Variants in BRD3 observed in about 807,000 individuals in gnomAD.
The protein encoded by BRD3 is bromodomain containing 3.
Under a neutral mutation model 66.8 loss-of-function variants are expected in BRD3, and 17 were observed. The observed-to-expected ratio is 0.25, with a 90% CI of 0.17 to 0.38. The LOEUF (loss-of-function observed/expected upper bound fraction) is 0.38, where lower values mean the gene tolerates loss of function less well. Among genes scored for constraint, BRD3 ranks in the 10% least tolerant of loss-of-function variants. The pLI, the probability that BRD3 is intolerant of heterozygous loss-of-function variation, is 1.00. For missense variants in BRD3, 713 were observed against 956.1 expected, an observed-to-expected ratio of 0.75 and a Z score of 3.35; for synonymous variants, 421 against 393.2, an observed-to-expected ratio of 1.07 and a Z score of -0.84.
At chr9:134,034,890 C>A in intron 10 of BRD3, 61 bp from the exon 11 acceptor site, 1 of 1,600,490 alleles carries the variant, frequency 6.2e-7, no homozygotes, top group Non-Finnish European at 8.5e-7. Flanking sequence ...GGAGCCAGGG[C>A]TGCATCCAGG....
chr9:134,038,565 C>T (rs1444741746), intron 9 of BRD3, among the ~76,000 whole-genome samples: 1 of 152,172 alleles, frequency 6.6e-6, no homozygotes, highest in Admixed American at 6.5e-5. Flanking sequence ...GCTGGGGTTA[C>T]AGGTGGGAGC....
At chr9:134,061,968 C>A (rs1830552321) in intron 1 of BRD3, among the ~76,000 whole-genome samples, 1 of 152,200 alleles carries the variant, frequency 6.6e-6, no homozygotes, top group East Asian at 1.9e-4. Context: ...GCCAGAGGGG[C>A]CTCCCCAGCC....
intron 5 of BRD3, among the ~76,000 whole-genome samples, chr9:134,048,690 T>A (rs1440183426): frequency 6.6e-6 from 1 of 152,062 alleles, no homozygotes; most frequent in East Asian, 1.9e-4. Context: ...AAACCCGCCC[T>A]CACCTGGGCG....
Position 134,063,593 on chromosome 9 carries a change from C to G in BRD3, c.-114+4352G>C, listed in dbSNP as rs188866055. On this transcript the variant is annotated intron_variant, in intron 1 of 11. Coordinates refer to ENST00000303407, the MANE Select transcript of BRD3 (RefSeq NM_007371.4). ...TCAGCACTCCTGCAGGGGCCGGGCA[C>G]CTCACACAGATGCATCTGTGCCTCA... 5.1e-4 allele frequency among the ~76,000 whole-genome samples: 77 copies of G among 152,282 alleles called. 1 individual carries two copies. Among genetic ancestry groups the G allele is most frequent in the African/African-American group, 1.7e-3 (72 of 41,552 alleles).
intron 1 of BRD3, chr9:134,058,762 G>A (rs541422185): frequency 6.6e-6 from 1 of 152,430 alleles, no homozygotes; most frequent in East Asian, 1.9e-4. Context: ...AGCTGTAAAG[G>A]GGGGCCAGAT....
chr9:134,038,751 T>G (rs1829981220), intron 9 of BRD3, among the ~76,000 whole-genome samples: 1 of 152,194 alleles, frequency 6.6e-6, no homozygotes, highest in Non-Finnish European at 1.5e-5. Flanking sequence ...CATTTCAGAT[T>G]TTCAGATTTG....
chr9:134,050,623 G>T, intron 4 of BRD3, 35 bp from the exon 5 acceptor site: 1 of 1,546,064 alleles, frequency 6.5e-7, no homozygotes, highest in Non-Finnish European at 8.8e-7. Context: ...AACACACCAG[G>T]CTCCACTAGT....
intron 3 of BRD3, among the ~76,000 whole-genome samples, 170 bp from the exon 4 acceptor site, chr9:134,051,879 TG>T (rs1423605215): frequency 1.4e-4 from 8 of 57,538 alleles, no homozygotes; most frequent in African/African-American, 5.7e-4. Context: ...GTGTGTGTGT[TG>T]TTTTTTTTGT....
intron 1 of BRD3, chr9:134,058,912 T>A (rs570955385): frequency 6.6e-6 from 1 of 152,396 alleles, no homozygotes; most frequent in South Asian, 2.1e-4. Flanking sequence ...GGTGGGGCAG[T>A]GGCACTGGAT....
Position 134,068,011 on chromosome 9 carries a change from G to A in BRD3, c.-180C>T, listed in dbSNP as rs1226314504. 1.4e-5 allele frequency: 2 copies of A among 144,460 alleles called. No homozygotes were observed. The highest frequency in any genetic ancestry group is 3.1e-5 in the Non-Finnish European group (2 of 65,012). The allele number at this position is 144,460 out of a possible 1,614,324, so 8.9% of individuals were successfully genotyped here. On this transcript the variant is annotated 5_prime_UTR_variant, in exon 1 of 12. Coordinates refer to ENST00000303407, the MANE Select transcript of BRD3 (RefSeq NM_007371.4). The stretch of plus-strand genomic sequence containing the variant: ...CGGCCGGCTCCTCTTTGGCTCGCCG[G>A]CCCCGGCAGCATAATAGACGCGCCG...
chr9:134,040,521 G>A (rs1000331273), intron 8 of BRD3, among the ~76,000 whole-genome samples: 26 of 152,320 alleles, frequency 1.7e-4, no homozygotes, highest in East Asian at 5.8e-4. Flanking sequence ...TCAGCACTGC[G>A]CGGGTGGCAC....
At position 134,033,529 on chromosome 9, in the gene BRD3, G is replaced by T. The variant is rs1843547621; in HGVS notation, c.*61C>A. The T allele has an allele frequency of 4.4e-6, 3 of 687,604 alleles. No individual in the cohort carries two copies. The highest frequency in any genetic ancestry group is 2.7e-5 in the East Asian group (1 of 36,864). 42.6% of individuals were successfully genotyped at this position (687,604 alleles called of 1,614,324 possible). A position where few individuals can be genotyped will look rare whatever the true frequency, so the allele number is the denominator to read the frequency against. ...CAGAAGTAGTAATATGAACCACAGA[G>T]GGGTACGGCAGAGTCTCGGCGTGTG... On this transcript the variant is annotated 3_prime_UTR_variant, in exon 12 of 12. Coordinates refer to ENST00000303407, the MANE Select transcript of BRD3 (RefSeq NM_007371.4). This position sits in a 1 kb window ranked among gnomAD's most constrained non-coding sequence, Gnocchi z 5.1.
At chr9:134,036,943 G>A (rs889158586) in intron 9 of BRD3, among the ~76,000 whole-genome samples, 4 of 152,064 alleles carry the variant, frequency 2.6e-5, no homozygotes, top group African/African-American at 2.4e-5. Flanking sequence ...CCAGGGAGGC[G>A]GAGGCTGCAG....
chr9:134,044,925 A>C (rs1044534356), intron 7 of BRD3, among the ~76,000 whole-genome samples: 3 of 152,230 alleles, frequency 2.0e-5, no homozygotes, highest in Non-Finnish European at 4.4e-5. Context: ...GCTAGTGTCC[A>C]AGCCTCTCCT....
rs1157277338 is a variant in BRD3, at chr9:134,034,785, C to T, written c.1981G>A (p.Ala661Thr). Residue 661 changes from alanine to threonine, a missense_variant, in exon 11 of 12, where the codon GCT becomes ACT. Physicochemically the swap from Ala to Thr is moderately conservative, Grantham distance 58 (BLOSUM62 0). Transcript: ENST00000303407. ...KQAAKSKEEL[A>T]QEKKKELEKR... Reference sequence around the variant, plus strand: ...TCCAGCTCCTTCTTCTTTTCCTGAGCTAGCTCCTCTTTCGACTTGGCTGCC... The same window carrying T: ...TCCAGCTCCTTCTTCTTTTCCTGAGTTAGCTCCTCTTTCGACTTGGCTGCC... The T allele has an allele frequency of 6.2e-7, 1 of 1,612,142 alleles. No individual in the cohort carries two copies. Among genetic ancestry groups the T allele is most frequent in the Non-Finnish European group, 8.5e-7 (1 of 1,180,030 alleles).
In BRD3 at chr9:134,045,264, A is replaced by C. The variant is rs1156426851; in HGVS notation, c.1215+29T>G. The C allele has an allele frequency of 9.9e-6, 16 of 1,612,392 alleles. No individual in the cohort carries two copies. In the East Asian group the frequency reaches 3.6e-4, roughly 36 times the overall value. On this transcript the variant is annotated intron_variant, in intron 7 of 11. Coordinates refer to ENST00000303407, the MANE Select transcript of BRD3 (RefSeq NM_007371.4). This position sits in a 1 kb window ranked among gnomAD's most constrained non-coding sequence, Gnocchi z 4.8. ...GGATGCCCACAGCACTGAGCTGAGC[A>C]GCCCCACCCGTGCCCAGCCTCGGGT...
intron 10 of BRD3, among the ~76,000 whole-genome samples, chr9:134,035,515 G>C (rs944607183): frequency 6.6e-6 from 1 of 152,166 alleles, no homozygotes; most frequent in Non-Finnish European, 1.5e-5. Context: ...GGGAAGCCTG[G>C]GCCGGTGCCC....
intron 1 of BRD3, among the ~76,000 whole-genome samples, chr9:134,065,861 AG>A (rs931885429): frequency 1.5e-4 from 23 of 152,158 alleles, no homozygotes; most frequent in African/African-American, 5.5e-4. Flanking sequence ...CAGAGCCTGG[AG>A]GAAGAGGGTA....
At chr9:134,036,564 T>C in intron 9 of BRD3, 1 of 1,610,790 alleles carries the variant, frequency 6.2e-7, no homozygotes, top group Non-Finnish European at 8.5e-7. Flanking sequence ...CATAGGCGTC[T>C]CAAACTCCAC....
Sources: gnomAD v4.1 joint callset for allele counts (sites outside exome capture counted in the v4.1 genomes callset) on GRCh38, gnomAD v4.1.1 for gene constraint, Gnocchi (gnomAD v3.1) non-coding constraint, MANE v1.5 for transcripts, NCBI Gene and HGNC (gene_info 2026-07-23, HGNC 2026-07-21) for gene names.